The following HDLBP variants were observed in gnomAD, a reference collection of about 807,000 sequenced individuals.
HDLBP encodes high density lipoprotein binding protein, also known as vigilin.
HDLBP carries 30 observed loss-of-function variants against 137.3 expected under a neutral mutation model. The observed-to-expected ratio is 0.22, with a 90% CI of 0.16 to 0.30. The LOEUF (loss-of-function observed/expected upper bound fraction) is 0.30, where lower values mean the gene tolerates loss of function less well. HDLBP is among the 10% of genes least tolerant of loss of function. HDLBP has a pLI of 1.00. For missense variants in HDLBP, 1,119 were observed against 1,667.3 expected, an observed-to-expected ratio of 0.67 and a Z score of 5.73; for synonymous variants, 606 against 596.0, an observed-to-expected ratio of 1.02 and a Z score of -0.24.
At chr2:241,258,690 G>A (rs1406756010) in intron 5 of HDLBP, among the ~76,000 whole-genome samples, 1 of 152,162 alleles carries the variant, frequency 6.6e-6, no homozygotes, top group Non-Finnish European at 1.5e-5. Flanking sequence ...CTTATGACCT[G>A]ATAGTGAAAA....
At chr2:241,297,216 G>A (rs1249707792) in intron 1 of HDLBP, among the ~76,000 whole-genome samples, 1 of 152,216 alleles carries the variant, frequency 6.6e-6, no homozygotes, top group Non-Finnish European at 1.5e-5. Flanking sequence ...CATGGTGGGT[G>A]GAGGTGCAGG....
intron 1 of HDLBP, among the ~76,000 whole-genome samples, chr2:241,312,678 T>G (rs879840264): frequency 6.6e-6 from 1 of 152,210 alleles, no homozygotes; most frequent in Non-Finnish European, 1.5e-5. Flanking sequence ...AGCTTTCGTA[T>G]CACCATTTGC....
intron 5 of HDLBP, 105 bp from the exon 6 acceptor site, chr2:241,256,911 C>T: frequency 2.3e-6 from 2 of 883,780 alleles, no homozygotes. Context: ...CTTATTCCTG[C>T]CCAGCAGCAC....
intron 17 of HDLBP, among the ~76,000 whole-genome samples, chr2:241,241,411 C>T (rs1309844231): frequency 1.3e-5 from 2 of 151,482 alleles, no homozygotes; most frequent in African/African-American, 4.8e-5. Context: ...ACTAAAAATA[C>T]AAAAAATTAG....
At chr2:241,276,842 G>A (rs1329564371) in intron 1 of HDLBP, among the ~76,000 whole-genome samples, 1 of 152,162 alleles carries the variant, frequency 6.6e-6, no homozygotes, top group Non-Finnish European at 1.5e-5. Flanking sequence ...GTTAAAGGGT[G>A]AGACTGACCC....
At position 241,245,775 on chromosome 2, in the gene HDLBP, C is replaced by T. The variant is rs115773547; in HGVS notation, c.1950+977G>A. On this transcript the variant is annotated intron_variant, in intron 16 of 27. Transcript: ENST00000310931. ...CATGACTGCACCACTGCACTCCAGCCTGGACGACAGCAAGACCTCATCTCC... is the reference window on the plus strand; with the variant it reads ...CATGACTGCACCACTGCACTCCAGCTTGGACGACAGCAAGACCTCATCTCC... Among the ~76,000 whole-genome samples, 1,504 of 152,216 alleles carry T rather than the reference C, an allele frequency of 9.9e-3. 16 individuals carry two copies. Among genetic ancestry groups the T allele is most frequent in the African/African-American group, 0.034 (1,391 of 41,512 alleles).
intron 5 of HDLBP, among the ~76,000 whole-genome samples, chr2:241,260,168 T>A (rs1281887593): frequency 6.6e-6 from 1 of 152,122 alleles, no homozygotes; most frequent in African/African-American, 2.4e-5. Flanking sequence ...CACGCCTGGC[T>A]AATTTTTTTG....
rs1326523385 is a variant in HDLBP at position 241,245,038 on chromosome 2, C to CT, written c.1950+1713dup. Among the ~76,000 whole-genome samples the CT allele has an allele frequency of 3.3e-5, 5 of 152,090 alleles. No individual in the cohort carries two copies. In the East Asian group the frequency reaches 9.7e-4, roughly 29 times the overall value. Reference sequence around the variant, plus strand: ...TAAAAAACGATTAAAATGATACATTCTGCTATGTATATTTTACCACAATTG... The same window carrying CT: ...TAAAAAACGATTAAAATGATACATTCTTGCTATGTATATTTTACCACAATTG... On this transcript the variant is annotated intron_variant, in intron 16 of 27. Coordinates refer to ENST00000310931, the MANE Select transcript of HDLBP (RefSeq NM_005336.6).
chr2:241,256,228 A>G lies in HDLBP; in HGVS notation c.829T>C (p.Leu277=), dbSNP rs1049176296. 9.3e-6 allele frequency: 15 copies of G among 1,614,138 alleles called. No homozygotes were observed. Among genetic ancestry groups the G allele is most frequent in the Non-Finnish European group, 1.2e-5 (14 of 1,180,022 alleles). The part of the protein sequence containing the change: ...EIVFTGEKEQ[L]AQAVARIKKI... ...TTGATGCGAGCCACAGCCTGAGCCAACTGTTCCTTCTCTCCAGTGAAGACA... is the reference window on the plus strand; with the variant it reads ...TTGATGCGAGCCACAGCCTGAGCCAGCTGTTCCTTCTCTCCAGTGAAGACA... The change falls in exon 7 of 28, where the codon TTG becomes CTG. Residue 277 remains leucine, a synonymous_variant. Coordinates refer to ENST00000310931, the MANE Select transcript of HDLBP (RefSeq NM_005336.6).
intron 20 of HDLBP, among the ~76,000 whole-genome samples, chr2:241,237,696 G>A (rs2070718179): frequency 1.3e-5 from 2 of 151,100 alleles, no homozygotes; most frequent in Admixed American, 1.3e-4. Flanking sequence ...TGAATAAAGG[G>A]ACATGTCTAA....
At position 241,270,091 on chromosome 2, in the gene HDLBP, C is replaced by T. The variant is rs546364748; in HGVS notation, c.-102-1550G>A. Among the ~76,000 whole-genome samples the T allele has an allele frequency of 7.9e-5, 12 of 152,326 alleles. No individual in the cohort carries two copies. The East Asian group carries it at 1.9e-3, about 24-fold the overall frequency. On this transcript the variant is annotated intron_variant, in intron 1 of 27. Coordinates refer to ENST00000310931, the MANE Select transcript of HDLBP (RefSeq NM_005336.6). The stretch of plus-strand genomic sequence containing the variant: ...GTCAGCCCGCACCGACTCTCCAGCA[C>T]GGAGCTGTGATGAGCCAATCCCCAC...
At chr2:241,273,221 A>G in intron 1 of HDLBP, 2 of 985,510 alleles carry the variant, frequency 2.0e-6, no homozygotes, top group Non-Finnish European at 2.4e-6. Flanking sequence ...CACTGGCACG[A>G]GGTCCTACAG....
rs1263232492 is a variant in HDLBP at position 241,255,035 on chromosome 2, A to T, written c.1188+16T>A. On this transcript the variant is annotated intron_variant, in intron 9 of 27. Transcript: ENST00000310931. The stretch of plus-strand genomic sequence containing the variant: ...CAAGACAAATTCAATACAACAGGTG[A>T]AAAACGTGTCCTTACCTTTGGCATC... 3 of 1,557,136 alleles carry T rather than the reference A, an allele frequency of 1.9e-6. No homozygotes were observed. Among genetic ancestry groups the T allele is most frequent in the Non-Finnish European group, 2.7e-6 (3 of 1,128,232 alleles).
At chr2:241,283,380 GA>G (rs777768431) in intron 1 of HDLBP, among the ~76,000 whole-genome samples, 10 of 152,170 alleles carry the variant, frequency 6.6e-5, no homozygotes, top group Admixed American at 5.2e-4. Flanking sequence ...GGTCACTGAT[GA>G]AAGTAGCTGC....
intron 1 of HDLBP, among the ~76,000 whole-genome samples, chr2:241,296,929 G>C (rs987531400): frequency 1.3e-5 from 2 of 152,266 alleles, no homozygotes; most frequent in African/African-American, 4.8e-5. Flanking sequence ...CAAAGAACTG[G>C]AAGAACACGA....
chr2:241,242,399 GAGA>G (rs1237668330), intron 17 of HDLBP, 58 bp downstream of exon 17: 9 of 1,412,042 alleles, frequency 6.4e-6, no homozygotes, highest in Middle Eastern at 2.3e-4. Flanking sequence ...AGTGAGAAGC[GAGA>G]ACACTGTACT....
intron 1 of HDLBP, among the ~76,000 whole-genome samples, chr2:241,295,432 G>C (rs746937612): frequency 3.3e-5 from 5 of 152,184 alleles, no homozygotes; most frequent in African/African-American, 1.2e-4. Flanking sequence ...TGAAGCTCTA[G>C]TAACAGTGAA....
chr2:241,272,212 C>CCG lies in HDLBP; in HGVS notation c.-102-3672_-102-3671insCG, dbSNP rs1163481342. 298 of 983,402 alleles carry CCG rather than the reference C, an allele frequency of 3.0e-4. No individual in the cohort carries two copies. In the African/African-American group the frequency reaches 4.9e-3, roughly 16 times the overall value. The allele number at this position is 983,402 out of a possible 1,614,324, so 60.9% of individuals were successfully genotyped here. A position where few individuals can be genotyped will look rare whatever the true frequency, so the allele number is the denominator to read the frequency against. ...CGGCAGGTGGAGGTGCTGCGGGGGCCCCGCCGCCCGGTCTGCGCCCAGACC... is the reference window on the plus strand; with the variant it reads ...CGGCAGGTGGAGGTGCTGCGGGGGCCCGCCGCCGCCCGGTCTGCGCCCAGACC... On this transcript the variant is annotated intron_variant, in intron 1 of 27. Transcript: ENST00000310931. This position sits in a 1 kb window ranked among gnomAD's most constrained non-coding sequence, Gnocchi z 5.6.
At chr2:241,267,463 T>A (rs1451374527) in intron 2 of HDLBP, 5 of 943,116 alleles carry the variant, frequency 5.3e-6, no homozygotes, top group Non-Finnish European at 8.2e-6. Context: ...ACCGCAGGGG[T>A]GGGGGGACCA....
Sources: gnomAD v4.1 joint callset for allele counts (sites outside exome capture counted in the v4.1 genomes callset) on GRCh38, gnomAD v4.1.1 for gene constraint, Gnocchi (gnomAD v3.1) non-coding constraint, MANE v1.5 for transcripts, NCBI Gene and HGNC (gene_info 2026-07-23, HGNC 2026-07-21) for gene names.